Variants in RBKS observed in about 807,000 individuals in gnomAD.
The protein encoded by RBKS is ribokinase.
In RBKS, 33 loss-of-function variants were observed where a neutral mutation model predicts 33.9. The observed-to-expected ratio is 0.97, with a 90% confidence interval of 0.74 to 1.30. The LOEUF is 1.30. Among genes scored for constraint, RBKS ranks in the 50% most tolerant of loss-of-function variants. RBKS has a pLI of 0.00. For synonymous variants in RBKS, 125 were observed against 143.0 expected (o/e 0.87, Z 0.90); for missense variants, 361 against 392.6 (o/e 0.92, Z 0.68).
At chr2:27,784,025 C>T (rs1677346032) in intron 7 of RBKS, among the ~76,000 whole-genome samples, 1 of 99,196 alleles carries the variant, frequency 1.0e-5, no homozygotes, top group Non-Finnish European at 2.0e-5. Context: ...GCTCTGTCGC[C>T]CAGGCTGGAG....
At chr2:27,860,712 A>G (rs1663958096) in intron 1 of RBKS, among the ~76,000 whole-genome samples, 1 of 152,206 alleles carries the variant, frequency 6.6e-6, no homozygotes, top group South Asian at 2.1e-4. Flanking sequence ...CAAGCATTGT[A>G]TTAATTCAGT....
At chr2:27,865,213 G>A (rs1315009706) in intron 1 of RBKS, among the ~76,000 whole-genome samples, 1 of 152,092 alleles carries the variant, frequency 6.6e-6, no homozygotes, top group African/African-American at 2.4e-5. Flanking sequence ...CCAGTTACTC[G>A]GGAGGCTGAG....
Position 27,846,157 on chromosome 2 carries a change from G to A in RBKS, c.349+885C>T, listed in dbSNP as rs139093021. ...TTGTTTTTGCATTTTCAGTAGAGAT[G>A]GGGTTTTACTATGTTGGTCAGGCTG... On this transcript the variant is annotated intron_variant, in intron 4 of 7. Transcript: ENST00000302188. Among the ~76,000 whole-genome samples, 278 of 152,168 alleles carry A rather than the reference G, an allele frequency of 1.8e-3. 1 individual carries two copies. The highest frequency in any genetic ancestry group is 6.4e-3 in the African/African-American group (267 of 41,520).
chr2:27,857,766 T>G (rs1287776819), intron 2 of RBKS, among the ~76,000 whole-genome samples: 2 of 152,228 alleles, frequency 1.3e-5, no homozygotes, highest in Non-Finnish European at 2.9e-5. Context: ...TTAAGTTATT[T>G]GAGAACTGCT....
chr2:27,861,672 G>GGT (rs1248816083), intron 1 of RBKS: 37 of 422,900 alleles, frequency 8.7e-5, no homozygotes, highest in Non-Finnish European at 1.4e-4. Flanking sequence ...TTGGGGGGGG[G>GGT]GTGGAGTCTC....
At chr2:27,838,627 CA>C (rs1272524357) in intron 5 of RBKS, among the ~76,000 whole-genome samples, 4 of 152,174 alleles carry the variant, frequency 2.6e-5, no homozygotes, top group Non-Finnish European at 5.9e-5. Flanking sequence ...TGTGCTACCA[CA>C]AATGAGCATA....
chr2:27,881,940 G>A (rs1234073806), intron 1 of RBKS, among the ~76,000 whole-genome samples: 1 of 152,144 alleles, frequency 6.6e-6, no homozygotes, highest in Non-Finnish European at 1.5e-5. Flanking sequence ...AAAGACAAAT[G>A]TAAAACCTAA....
chr2:27,849,002 G>A (rs531763281), intron 2 of RBKS, among the ~76,000 whole-genome samples: 1 of 152,228 alleles, frequency 6.6e-6, no homozygotes, highest in East Asian at 1.9e-4. Flanking sequence ...GGCTATAAGA[G>A]AATGTAAGCC....
intron 7 of RBKS, among the ~76,000 whole-genome samples, chr2:27,801,992 A>ATTTTT (rs1179237576): frequency 1.2e-4 from 5 of 42,692 alleles, no homozygotes; most frequent in African/African-American, 1.3e-4. Flanking sequence ...ATATATATAT[A>ATTTTT]TTTTTTTTTT....
At chr2:27,858,659 A>G in intron 1 of RBKS, 88 bp from the exon 2 acceptor site, 2 of 1,154,530 alleles carry the variant, frequency 1.7e-6, no homozygotes, top group Admixed American at 2.1e-5. Flanking sequence ...GCTATATGGT[A>G]GAGCTCTAAA....
At chr2:27,884,757 AAC>A (rs1312467466) in intron 1 of RBKS, among the ~76,000 whole-genome samples, 2 of 152,244 alleles carry the variant, frequency 1.3e-5, no homozygotes, top group Non-Finnish European at 2.9e-5. Context: ...GTAAAAAGAT[AAC>A]ACAGAGTTTT....
rs904697323 is a variant in RBKS at position 27,819,580 on chromosome 2, C to A, written c.795+7987G>T. Among the ~76,000 whole-genome samples the A allele has an allele frequency of 2.6e-5, 4 of 152,156 alleles. 1 individual carries two copies. Among genetic ancestry groups the A allele is most frequent in the African/African-American group, 9.7e-5 (4 of 41,436 alleles). On this transcript the variant is annotated intron_variant, in intron 7 of 7. Coordinates refer to ENST00000302188, the MANE Select transcript of RBKS (RefSeq NM_022128.3). Reference sequence around the variant, plus strand: ...CATGAGGCATCACCTATTGGCCGATCCCTTTTACAACTCCAGATAATCCAT... The same window carrying A: ...CATGAGGCATCACCTATTGGCCGATACCTTTTACAACTCCAGATAATCCAT...
intron 7 of RBKS, among the ~76,000 whole-genome samples, chr2:27,789,949 G>GTATATATATATATATATATATATATGTA (rs35109548): frequency 4.9e-5 from 6 of 121,510 alleles, no homozygotes; most frequent in Non-Finnish European, 8.2e-5. Context: ...ATGTATATGT[G>GTATATATATATATATATATATATATGTA]TATATATATA....
At chr2:27,879,287 C>T (rs924343760) in intron 1 of RBKS, among the ~76,000 whole-genome samples, 1 of 152,050 alleles carries the variant, frequency 6.6e-6, no homozygotes, top group Admixed American at 6.5e-5. Context: ...CTGTAAATTC[C>T]CCAAGAGCAG....
At chr2:27,858,621 A>T in intron 1 of RBKS, 50 bp from the exon 2 acceptor site, 1 of 1,553,260 alleles carries the variant, frequency 6.4e-7, no homozygotes, top group Non-Finnish European at 8.8e-7. Context: ...AACTGTAATC[A>T]ATTTAAGTTC....
At chr2:27,797,598 G>A (rs188354272) in intron 7 of RBKS, among the ~76,000 whole-genome samples, 1 of 152,288 alleles carries the variant, frequency 6.6e-6, no homozygotes, top group African/African-American at 2.4e-5. Context: ...CCATAGTGAT[G>A]AAGAAATACA....
At chr2:27,868,859 G>C (rs1170003466) in intron 1 of RBKS, among the ~76,000 whole-genome samples, 1 of 152,136 alleles carries the variant, frequency 6.6e-6, no homozygotes, top group Non-Finnish European at 1.5e-5. Flanking sequence ...TCCTTTGGGA[G>C]TCCTAATATA....
intron 7 of RBKS, among the ~76,000 whole-genome samples, chr2:27,821,018 C>G (rs1678193419): frequency 7.8e-6 from 1 of 127,708 alleles, no homozygotes; most frequent in African/African-American, 3.1e-5. Flanking sequence ...CCAGCCTAGG[C>G]ACCCAGAGCA....
chr2:27,879,591 A>G (rs757994416), intron 1 of RBKS, among the ~76,000 whole-genome samples: 5 of 152,098 alleles, frequency 3.3e-5, no homozygotes, highest in Admixed American at 6.6e-5. Flanking sequence ...TGGACTCTCC[A>G]TTGTGGAGAG....
Sources: allele counts gnomAD v4.1 joint callset (sites outside exome capture counted in the v4.1 genomes callset), GRCh38; gene constraint gnomAD v4.1.1; transcripts MANE v1.5; gene names NCBI Gene and HGNC (gene_info 2026-07-23, HGNC 2026-07-21).